Variants in CSMD2 observed in about 807,000 individuals in gnomAD.
The protein encoded by CSMD2 is CUB and Sushi multiple domains 2, also known as CUB and sushi domain-containing protein 2.
CSMD2 carries 130 observed loss-of-function variants against 398.5 expected under a neutral mutation model. The ratio of observed to expected loss-of-function variants is 0.33; its 90% CI spans 0.28 to 0.38. The LOEUF (loss-of-function observed/expected upper bound fraction) is 0.38. CSMD2 is among the 10% of genes least tolerant of loss of function. The pLI, the probability that CSMD2 is intolerant of heterozygous loss-of-function variation, is 1.00. For missense variants in CSMD2, 3,829 were observed against 4,764.9 expected (o/e 0.80, Z 5.78); for synonymous variants, 1,828 against 1,908.5 (o/e 0.96, Z 1.10).
At chr1:33,716,912 G>A (rs557319292) in intron 19 of CSMD2, among the ~76,000 whole-genome samples, 9 of 152,242 alleles carry the variant, frequency 5.9e-5, no homozygotes, top group Non-Finnish European at 8.8e-5. Flanking sequence ...GACATTAAAC[G>A]AATAGCTGCA....
chr1:33,784,516 A>G (rs549065556), intron 12 of CSMD2, among the ~76,000 whole-genome samples: 17 of 152,326 alleles, frequency 1.1e-4, no homozygotes, highest in Admixed American at 6.5e-4. Flanking sequence ...GTTCCAACGC[A>G]CTGTGAGGCC....
chr1:33,669,673 C>T (rs1340921427), intron 25 of CSMD2, among the ~76,000 whole-genome samples: 1 of 152,194 alleles, frequency 6.6e-6, no homozygotes, highest in Non-Finnish European at 1.5e-5. Context: ...CAAGTCCTTA[C>T]CCCTGGTACC....
chr1:33,971,165 C>G (rs1645749177), intron 3 of CSMD2, among the ~76,000 whole-genome samples: 1 of 152,194 alleles, frequency 6.6e-6, no homozygotes, highest in Admixed American at 6.5e-5. Flanking sequence ...ACGCTTCTGG[C>G]ACGGCCAAGG....
At chr1:33,971,892 A>T (rs1042934858) in intron 3 of CSMD2, among the ~76,000 whole-genome samples, 1 of 152,208 alleles carries the variant, frequency 6.6e-6, no homozygotes, top group Non-Finnish European at 1.5e-5. Context: ...GTGGTTAGAG[A>T]GAGGCAGCAC....
At chr1:33,848,052 G>A (rs1380848077) in intron 5 of CSMD2, among the ~76,000 whole-genome samples, 1 of 152,168 alleles carries the variant, frequency 6.6e-6, no homozygotes, top group Non-Finnish European at 1.5e-5. Flanking sequence ...GGAGTTTGAT[G>A]AGTGACTCTT....
chr1:33,670,820 G>C (rs1644471964), intron 25 of CSMD2, among the ~76,000 whole-genome samples: 1 of 152,224 alleles, frequency 6.6e-6, no homozygotes, highest in Non-Finnish European at 1.5e-5. Flanking sequence ...CCTGCATGTG[G>C]TACAGTCTAC....
In CSMD2 at chr1:33,567,802, A is replaced by G. The variant is rs1659194338; in HGVS notation, c.8171T>C (p.Leu2724Pro). ...TKLHSIFYKL[L>P]FDVLSSPSLT... ...GGATGGGGAAGAGAGTACATCGAAG[A>G]GGAGCTTATAGAAAATGGAGTGGAG... is the stretch of plus-strand genomic sequence containing the variant. The change falls in exon 53 of 71, where the codon CTC becomes CCC. Residue 2724 changes from leucine to proline, a missense_variant. Around this residue, in one of 5 missense-constraint regions of CSMD2, gnomAD observed 723 missense variants for 758.6 expected, o/e 0.95. Transcript: ENST00000373381. 1 of 1,606,670 alleles carries G rather than the reference A, an allele frequency of 6.2e-7. No individual in the cohort carries two copies. Among genetic ancestry groups the G allele is most frequent in the East Asian group, 2.2e-5 (1 of 44,500 alleles).
intron 3 of CSMD2, among the ~76,000 whole-genome samples, chr1:34,028,743 G>C (rs1446365095): frequency 6.6e-6 from 1 of 152,224 alleles, no homozygotes; most frequent in African/African-American, 2.4e-5. Flanking sequence ...GATAATGTAT[G>C]TAAAGTGCCT....
At chr1:34,015,447 G>A (rs925500397) in intron 3 of CSMD2, among the ~76,000 whole-genome samples, 3 of 152,224 alleles carry the variant, frequency 2.0e-5, no homozygotes, top group African/African-American at 4.8e-5. Context: ...GCCTCCAGAA[G>A]TGGGTGGGAG....
At chr1:33,976,630 C>A (rs758310355) in intron 3 of CSMD2, among the ~76,000 whole-genome samples, 4 of 152,104 alleles carry the variant, frequency 2.6e-5, no homozygotes, top group Non-Finnish European at 5.9e-5. Context: ...GTCCAGGAGT[C>A]TCCTTATTCC....
chr1:33,781,022 C>T (rs1433309865), intron 12 of CSMD2, among the ~76,000 whole-genome samples: 4 of 152,200 alleles, frequency 2.6e-5, no homozygotes, highest in Non-Finnish European at 4.4e-5. Context: ...CTGCCCTTGG[C>T]CTCCTTTGAA....
At chr1:33,523,536 A>G in intron 66 of CSMD2, 117 bp from the exon 67 acceptor site, 1 of 626,112 alleles carries the variant, frequency 1.6e-6, no homozygotes. Context: ...ATGTTGATAT[A>G]AACATTCTCC....
At position 34,165,149 on chromosome 1, in the gene CSMD2, G is replaced by T; in HGVS notation, c.-52C>A. ...GGCTCCGCTCGCCGCCGAGGAGAAAGGAGGTCAGGAGAGCTCTGGAGCTTT... is the reference window on the plus strand; with the variant it reads ...GGCTCCGCTCGCCGCCGAGGAGAAATGAGGTCAGGAGAGCTCTGGAGCTTT... On this transcript the variant is annotated 5_prime_UTR_variant, in exon 1 of 71. Transcript: ENST00000373381. The T allele has an allele frequency of 3.3e-6, 4 of 1,204,282 alleles. No individual in the cohort carries two copies. Among genetic ancestry groups the T allele is most frequent in the Non-Finnish European group, 4.1e-6 (4 of 970,080 alleles). The allele number at this position is 1,204,282 out of a possible 1,614,324, so 74.6% of individuals were successfully genotyped here.
intron 5 of CSMD2, among the ~76,000 whole-genome samples, chr1:33,911,287 T>C (rs1643430594): frequency 6.6e-6 from 1 of 152,200 alleles, no homozygotes; most frequent in Non-Finnish European, 1.5e-5. Context: ...AATAAATAAA[T>C]AAGTGGATAG....
At chr1:33,793,260 T>C (rs529807396) in intron 10 of CSMD2, among the ~76,000 whole-genome samples, 20 of 151,696 alleles carry the variant, frequency 1.3e-4, no homozygotes, top group African/African-American at 4.6e-4. Flanking sequence ...CTACTGGAGA[T>C]GGGGGTGTCT....
intron 6 of CSMD2, among the ~76,000 whole-genome samples, chr1:33,830,974 A>G (rs1365633896): frequency 6.6e-6 from 1 of 152,184 alleles, no homozygotes; most frequent in African/African-American, 2.4e-5. Context: ...AAGAATAAAA[A>G]GAAACGAACA....
chr1:33,611,822 T>C (rs1448933835), intron 40 of CSMD2, among the ~76,000 whole-genome samples: 1 of 152,202 alleles, frequency 6.6e-6, no homozygotes, highest in East Asian at 1.9e-4. Context: ...TCTAATTAAG[T>C]TCTTAATGTA....
At position 33,972,695 on chromosome 1, in the gene CSMD2, C is replaced by A. The variant is rs149046885; in HGVS notation, c.518-36741G>T. On this transcript the variant is annotated intron_variant, in intron 3 of 70. Coordinates refer to ENST00000373381, the MANE Select transcript of CSMD2 (RefSeq NM_001281956.2). ...CTCCCCTAGAGCCTCCAGAAGGAAT[C>A]GGCCCTGCCAACACCTTGACTGTAG... 4.7e-3 allele frequency among the ~76,000 whole-genome samples: 722 copies of A among 152,300 alleles called. 7 individuals carry two copies. The highest frequency in any genetic ancestry group is 0.016 in the African/African-American group (684 of 41,560).
At chr1:33,609,013 T>C (rs1640822511) in intron 41 of CSMD2, among the ~76,000 whole-genome samples, 1 of 152,220 alleles carries the variant, frequency 6.6e-6, no homozygotes, top group Non-Finnish European at 1.5e-5. Flanking sequence ...TCATGACCTG[T>C]TTGACAGGTA....
Sources: allele counts gnomAD v4.1 joint callset (sites outside exome capture counted in the v4.1 genomes callset), GRCh38; gene constraint gnomAD v4.1.1; regional missense constraint gnomAD v4.1.1; transcripts MANE v1.5; gene names NCBI Gene and HGNC (gene_info 2026-07-23, HGNC 2026-07-21).